Variants in TUBB8B observed in about 807,000 individuals in gnomAD.
The protein encoded by TUBB8B is tubulin beta 8B.
Under a neutral mutation model 31.9 loss-of-function variants are expected in TUBB8B, and 26 were observed. That is an observed-to-expected ratio of 0.81 (90% CI 0.60 to 1.13). TUBB8B has a LOEUF of 1.13. Ranked by LOEUF, TUBB8B falls within the 50% of genes most tolerant of loss-of-function variation. TUBB8B has a pLI of 0.00. For synonymous variants in TUBB8B, 173 were observed against 231.0 expected (o/e 0.75, Z 2.28); for missense variants, 467 against 586.7 (o/e 0.80, Z 2.11).
the TUBB8B span, among the ~76,000 whole-genome samples, chr18:61,131 T>C: frequency 6.6e-6 from 1 of 151,684 alleles, no homozygotes; most frequent in South Asian, 2.1e-4. Context: ...TCTAGGTGCT[T>C]TAGTGTTGAG....
At position 48,448 on chromosome 18, in the gene TUBB8B, C is replaced by A. The variant is rs867447663; in HGVS notation, c.278-1G>T. On this transcript the variant is annotated splice_acceptor_variant, in intron 3 of 3. Coordinates refer to ENST00000308911, the MANE Select transcript of TUBB8B (RefSeq NM_001358689.2). LOFTEE classifies it high-confidence loss of function. ...CAGTTGTTTCCGGCCCCACACTGACCTGTAAGACAGCACAGCCGGTCACTC... is the reference window on the plus strand; with the variant it reads ...CAGTTGTTTCCGGCCCCACACTGACATGTAAGACAGCACAGCCGGTCACTC... 3 of 1,575,062 alleles carry A rather than the reference C, an allele frequency of 1.9e-6. No homozygotes were observed. The Middle Eastern group carries it at 5.2e-4, about 272-fold the overall frequency.
At chr18:71,569 T>TAAAA in the TUBB8B span, among the ~76,000 whole-genome samples, 111 of 57,630 alleles carry the variant, frequency 1.9e-3, 1 homozygote, top group East Asian at 6.2e-3. Context: ...AAAAAAAATT[T>TAAAA]AAAAAAAAAA....
chr18:54,485 T>A (rs1906221855), upstream of TUBB8B, among the ~76,000 whole-genome samples: 1 of 151,800 alleles, frequency 6.6e-6, no homozygotes, highest in South Asian at 2.1e-4. Flanking sequence ...ATTCATTCTT[T>A]CTAACAATTT....
At chr18:55,768 T>G in the TUBB8B span, among the ~76,000 whole-genome samples, 3 of 151,824 alleles carry the variant, frequency 2.0e-5, no homozygotes, top group Non-Finnish European at 4.4e-5. Context: ...TACAAATATT[T>G]TCTTCCATTC....
the TUBB8B span, among the ~76,000 whole-genome samples, chr18:63,406 A>T: frequency 6.6e-6 from 1 of 151,682 alleles, no homozygotes; most frequent in African/African-American, 2.4e-5. Context: ...TCAAGTAGAG[A>T]TTCTAGTTCT....
At chr18:70,899 A>G in the TUBB8B span, among the ~76,000 whole-genome samples, 1 of 151,514 alleles carries the variant, frequency 6.6e-6, no homozygotes. Flanking sequence ...AGATCTCACC[A>G]TTGCACTCCA....
the TUBB8B span, among the ~76,000 whole-genome samples, chr18:71,113 C>A: frequency 1.3e-5 from 2 of 151,822 alleles, no homozygotes; most frequent in Non-Finnish European, 2.9e-5. Context: ...TGCCTATAGT[C>A]CAAGCTACTT....
chr18:53,062 T>A (rs1368908624), upstream of TUBB8B, among the ~76,000 whole-genome samples: 1 of 151,814 alleles, frequency 6.6e-6, no homozygotes, highest in Non-Finnish European at 1.5e-5. Flanking sequence ...AGATGTCTTG[T>A]ATGGCCATAA....
rs1905877868 is a variant in TUBB8B, at chr18:48,802, T to C, written c.277+138A>G. The C allele has an allele frequency of 3.2e-5, 24 of 739,018 alleles. 1 individual carries two copies. Among genetic ancestry groups the C allele is most frequent in the South Asian group, 3.1e-4 (21 of 68,154 alleles). 45.8% of individuals were successfully genotyped at this position (739,018 alleles called of 1,614,324 possible). A position where few individuals can be genotyped will look rare whatever the true frequency, so the allele number is the denominator to read the frequency against. ...TCCCGAAGCCCATTTAGGAGGCAGA[T>C]GAAGCGACTCGACTCGGCGGATAGG... On this transcript the variant is annotated intron_variant, in intron 3 of 3. Transcript: ENST00000308911.
At chr18:51,818 G>A (rs1392902279), upstream of TUBB8B, among the ~76,000 whole-genome samples, 1 of 151,910 alleles carries the variant, frequency 6.6e-6, no homozygotes, top group African/African-American at 2.4e-5. Context: ...CCATGAGTGT[G>A]AGGCCTCTCC....
intron 1 of TUBB8B, 113 bp downstream of exon 1, chr18:49,388 C>T (rs1310132727): frequency 1.2e-6 from 1 of 805,320 alleles, no homozygotes; most frequent in Non-Finnish European, 2.0e-6. Context: ...TTCCACCGTC[C>T]CCGGCAGGGA....
the TUBB8B span, among the ~76,000 whole-genome samples, chr18:72,878 A>C: frequency 6.6e-6 from 1 of 152,088 alleles, no homozygotes; most frequent in Non-Finnish European, 1.5e-5. Context: ...GAGGCAGGAG[A>C]ATCGCTTGAA....
the TUBB8B span, among the ~76,000 whole-genome samples, chr18:57,438 G>C: frequency 6.6e-6 from 1 of 151,834 alleles, no homozygotes; most frequent in East Asian, 1.9e-4. Context: ...TGAATTTTAA[G>C]GCTCCAAAAT....
chr18:54,429 A>AT (rs1001467708), upstream of TUBB8B, among the ~76,000 whole-genome samples: 49 of 146,238 alleles, frequency 3.4e-4, no homozygotes, highest in Admixed American at 9.5e-4. Flanking sequence ...GTATAATTAA[A>AT]TTTTTTTTAC....
At chr18:63,963 CT>C in the TUBB8B span, among the ~76,000 whole-genome samples, 1 of 150,976 alleles carries the variant, frequency 6.6e-6, no homozygotes, top group African/African-American at 2.4e-5. Flanking sequence ...ACCCTAACCC[CT>C]AACCCTAACC....
chr18:71,686 C>A, the TUBB8B span, among the ~76,000 whole-genome samples: 1 of 145,764 alleles, frequency 6.9e-6, no homozygotes. Flanking sequence ...GAGTTCGAGA[C>A]CAGCCTGGCC....
chr18:58,502 A>C, the TUBB8B span, among the ~76,000 whole-genome samples: 1 of 151,732 alleles, frequency 6.6e-6, no homozygotes, highest in African/African-American at 2.4e-5. Context: ...CTAAGACAAC[A>C]TGAATGACCT....
upstream of TUBB8B, among the ~76,000 whole-genome samples, chr18:53,131 G>C (rs1906176374): frequency 6.6e-6 from 1 of 151,728 alleles, no homozygotes; most frequent in African/African-American, 2.4e-5. Flanking sequence ...CAGACTATAG[G>C]TATTAACCTT....
the TUBB8B span, among the ~76,000 whole-genome samples, chr18:65,668 T>C: frequency 6.6e-6 from 1 of 152,142 alleles, no homozygotes; most frequent in Admixed American, 6.5e-5. Context: ...ATTTTCATCA[T>C]TGTATTCAAC....
Sources: allele counts gnomAD v4.1 joint callset (sites outside exome capture counted in the v4.1 genomes callset), GRCh38; gene constraint gnomAD v4.1.1; transcripts MANE v1.5; gene names NCBI Gene and HGNC (gene_info 2026-07-23, HGNC 2026-07-21).